The following PDE4B variants were observed in gnomAD, a reference collection of about 807,000 sequenced individuals.
The protein encoded by PDE4B is 3',5'-cyclic-AMP phosphodiesterase 4B.
In PDE4B, 20 loss-of-function variants were observed where a neutral mutation model predicts 82.2. That is an observed-to-expected ratio of 0.24 (90% CI 0.17 to 0.35). The LOEUF is 0.35. Ranked by LOEUF, PDE4B falls within the 10% of genes least tolerant of loss-of-function variation. The pLI is 1.00. For synonymous variants in PDE4B, 320 were observed against 318.9 expected (o/e 1.00, Z -0.04); for missense variants, 655 against 907.2 (o/e 0.72, Z 3.57).
At chr1:66,358,540 G>A (rs1461066355) in intron 9 of PDE4B, among the ~76,000 whole-genome samples, 1 of 152,028 alleles carries the variant, frequency 6.6e-6, no homozygotes, top group African/African-American at 2.4e-5. Flanking sequence ...TGGGCATGGT[G>A]GTACATGCCT....
chr1:65,803,837 T>G (rs1645724038), intron 1 of PDE4B, among the ~76,000 whole-genome samples: 1 of 152,226 alleles, frequency 6.6e-6, no homozygotes, highest in Admixed American at 6.5e-5. Flanking sequence ...GGACGCCAGC[T>G]TTTATTTCTT....
At position 66,210,070 on chromosome 1, in the gene PDE4B, G is replaced by T. The variant is rs1649900416; in HGVS notation, c.282-37390G>T. 2.0e-5 allele frequency among the ~76,000 whole-genome samples: 3 copies of T among 152,008 alleles called. No homozygotes were observed. In the South Asian group the frequency reaches 6.2e-4, roughly 32 times the overall value. ...ATTTGTCCTGAAGGATTCTCTGATT[G>T]TTCTTCATACAAGAACTCTAGGAAT... On this transcript the variant is annotated intron_variant, in intron 3 of 16. Coordinates refer to ENST00000341517, the MANE Select transcript of PDE4B (RefSeq NM_002600.4).
At chr1:66,122,221 T>A (rs1645723433) in intron 3 of PDE4B, among the ~76,000 whole-genome samples, 1 of 152,200 alleles carries the variant, frequency 6.6e-6, no homozygotes. Flanking sequence ...CATAAGAATA[T>A]TGAGAATATT....
chr1:66,133,217 C>G (rs1362376423), intron 3 of PDE4B, among the ~76,000 whole-genome samples: 1 of 152,100 alleles, frequency 6.6e-6, no homozygotes, highest in African/African-American at 2.4e-5. Flanking sequence ...CAGTGCTATT[C>G]ACATTTTCCC....
At chr1:66,075,737 CCTCTGGG>C (rs1267905699) in intron 3 of PDE4B, among the ~76,000 whole-genome samples, 3 of 151,936 alleles carry the variant, frequency 2.0e-5, no homozygotes, top group Non-Finnish European at 2.9e-5. Context: ...GGGAAGAAGA[CCTCTGGG>C]CTTTGTGAGC....
chr1:66,160,223 G>T (rs2101251560), intron 3 of PDE4B, among the ~76,000 whole-genome samples: 1 of 152,308 alleles, frequency 6.6e-6, no homozygotes, highest in Middle Eastern at 3.4e-3. Context: ...GGAGAATAGA[G>T]ACAGACCAGA....
intron 3 of PDE4B, among the ~76,000 whole-genome samples, chr1:66,137,795 C>T (rs1337404): frequency 0.013 from 1,939 of 152,236 alleles, 42 homozygotes; most frequent in African/African-American, 0.044. Flanking sequence ...TCACCTTTCC[C>T]CTCTCCTTTT....
intron 3 of PDE4B, among the ~76,000 whole-genome samples, chr1:65,978,498 C>T (rs1399269468): frequency 2.6e-5 from 4 of 151,670 alleles, no homozygotes; most frequent in African/African-American, 9.6e-5. Context: ...AAAACACAGA[C>T]TCCTTATAAA....
At chr1:65,893,422 T>C (rs924761213) in intron 1 of PDE4B, among the ~76,000 whole-genome samples, 18 of 151,954 alleles carry the variant, frequency 1.2e-4, no homozygotes, top group Admixed American at 3.3e-4. Context: ...AAACCCACAA[T>C]GAGATACGTT....
At position 65,848,748 on chromosome 1, in the gene PDE4B, A is replaced by G. The variant is rs941461555; in HGVS notation, c.-71+55500A>G. 5.9e-5 allele frequency among the ~76,000 whole-genome samples: 9 copies of G among 152,142 alleles called. No homozygotes were observed. The East Asian group carries it at 1.7e-3, about 29-fold the overall frequency. On this transcript the variant is annotated intron_variant, in intron 1 of 16. Coordinates refer to ENST00000341517, the MANE Select transcript of PDE4B (RefSeq NM_002600.4). ...TCATTTATGTTGCTGACAATATGTT[A>G]TTGCGTTGATATATGACAAATCATT...
intron 1 of PDE4B, among the ~76,000 whole-genome samples, chr1:65,860,681 T>A (rs1227224388): frequency 6.6e-6 from 1 of 152,214 alleles, no homozygotes; most frequent in Non-Finnish European, 1.5e-5. Context: ...AAAGCTTTCC[T>A]ATTTCTCCAC....
chr1:66,211,810 A>G (rs1197433542), intron 3 of PDE4B, among the ~76,000 whole-genome samples: 9 of 152,226 alleles, frequency 5.9e-5, no homozygotes, highest in Non-Finnish European at 1.2e-4. Flanking sequence ...AGAACATAGC[A>G]TTGTTGATCA....
chr1:65,801,803 A>C (rs1395694963), intron 1 of PDE4B, among the ~76,000 whole-genome samples: 1 of 152,238 alleles, frequency 6.6e-6, no homozygotes, highest in Non-Finnish European at 1.5e-5. Context: ...CAAAATGTAT[A>C]GCAAAGTGGG....
chr1:65,886,348 C>T (rs981113703), intron 1 of PDE4B, among the ~76,000 whole-genome samples: 2 of 152,174 alleles, frequency 1.3e-5, no homozygotes, highest in East Asian at 1.9e-4. Flanking sequence ...GAGTGTGTAT[C>T]ACCTTGAATA....
chr1:66,157,815 G>A (rs1339128438), intron 3 of PDE4B, among the ~76,000 whole-genome samples: 1 of 119,992 alleles, frequency 8.3e-6, no homozygotes, highest in Non-Finnish European at 2.1e-5. Flanking sequence ...GAAAGAATGA[G>A]ATTTAAATAT....
At chr1:66,114,249 C>A (rs755554792) in intron 3 of PDE4B, among the ~76,000 whole-genome samples, 2 of 152,054 alleles carry the variant, frequency 1.3e-5, no homozygotes, top group Non-Finnish European at 2.9e-5. Flanking sequence ...CCTCCAGAAC[C>A]CTGAGAAATG....
chr1:66,059,761 G>T (rs950355831), intron 3 of PDE4B, among the ~76,000 whole-genome samples: 2 of 152,156 alleles, frequency 1.3e-5, no homozygotes, highest in Non-Finnish European at 2.9e-5. Context: ...TGAAATTTGG[G>T]TGAGGACACA....
intron 1 of PDE4B, among the ~76,000 whole-genome samples, chr1:65,880,988 T>A (rs1217570853): frequency 6.6e-6 from 1 of 152,174 alleles, no homozygotes. Context: ...CTTCAGCTTT[T>A]GTCAGCTTTC....
chr1:66,027,956 C>T (rs761483766), intron 3 of PDE4B, among the ~76,000 whole-genome samples: 11 of 152,140 alleles, frequency 7.2e-5, no homozygotes, highest in African/African-American at 1.4e-4. Flanking sequence ...TGCAAGCTAT[C>T]GGTGGATCTA....
Sources: allele counts gnomAD v4.1 joint callset (sites outside exome capture counted in the v4.1 genomes callset), GRCh38; gene constraint gnomAD v4.1.1; transcripts MANE v1.5; gene names NCBI Gene and HGNC (gene_info 2026-07-23, HGNC 2026-07-21).